CLEC2A: variants seen among roughly 807,000 people sequenced by gnomAD.
CLEC2A encodes the protein C-type lectin domain family 2 member A.
CLEC2A carries 19 observed loss-of-function variants against 18.6 expected under a neutral mutation model. That is an observed-to-expected ratio of 1.02 (90% CI 0.71 to 1.50). The LOEUF (loss-of-function observed/expected upper bound fraction) is 1.50, where lower values mean the gene tolerates loss of function less well. Ranked by LOEUF, CLEC2A falls within the 40% of genes most tolerant of loss-of-function variation. The probability of loss-of-function intolerance (pLI) is 0.00; values close to 1 mark genes in which losing one functional copy is unlikely to be tolerated. For synonymous variants in CLEC2A, 74 were observed against 64.0 expected (o/e 1.16, Z -0.75); for missense variants, 190 against 207.9 (o/e 0.91, Z 0.53).
downstream of CLEC2A, chr12:9,895,843 C>A (rs2137007352): frequency 6.6e-7 from 1 of 1,517,464 alleles, no homozygotes; most frequent in Non-Finnish European, 8.8e-7. Context: ...AATGTACAAC[C>A]AAACATAGAA....
At chr12:9,930,194 T>C (rs1390143774) in intron 1 of CLEC2A, among the ~76,000 whole-genome samples, 7 of 152,192 alleles carry the variant, frequency 4.6e-5, no homozygotes, top group African/African-American at 1.7e-4. Context: ...GATCCGTCTC[T>C]AAATTTTCCT....
intron 4 of CLEC2A, among the ~76,000 whole-genome samples, chr12:9,915,571 G>A (rs1863057842): frequency 6.6e-6 from 1 of 152,134 alleles, no homozygotes; most frequent in Non-Finnish European, 1.5e-5. Flanking sequence ...GATGAATCTG[G>A]AAACTGTCAT....
At chr12:9,878,914 G>C in the CLEC2A span, among the ~76,000 whole-genome samples, 1 of 152,264 alleles carries the variant, frequency 6.6e-6, no homozygotes, top group East Asian at 1.9e-4. Context: ...GATGGAGAAT[G>C]CTTTTGTGAG....
chr12:9,912,972 G>T (rs1444622014), downstream of CLEC2A, among the ~76,000 whole-genome samples: 1 of 152,136 alleles, frequency 6.6e-6, no homozygotes, highest in African/African-American at 2.4e-5. Context: ...ACCCAGGCAG[G>T]TAATTAAAAC....
chr12:9,912,433 T>A (rs1399906804), downstream of CLEC2A, among the ~76,000 whole-genome samples: 2 of 152,064 alleles, frequency 1.3e-5, no homozygotes, highest in African/African-American at 4.8e-5. Context: ...TTTGGGGGCA[T>A]GTTTCCCCCA....
chr12:9,899,187 A>G (rs1315619961), intron 4 of CLEC2A, among the ~76,000 whole-genome samples: 1 of 152,026 alleles, frequency 6.6e-6, no homozygotes, highest in Non-Finnish European at 1.5e-5. Context: ...CCTGAGCCCA[A>G]TCCTAAAACT....
chr12:9,927,777 G>A (rs1485080877), intron 1 of CLEC2A, among the ~76,000 whole-genome samples: 2 of 151,772 alleles, frequency 1.3e-5, no homozygotes, highest in Non-Finnish European at 2.9e-5. Context: ...AGAAGAGTTT[G>A]GTAATTTATC....
downstream of CLEC2A, among the ~76,000 whole-genome samples, chr12:9,910,827 G>A (rs371858962): frequency 2.1e-4 from 32 of 152,254 alleles, no homozygotes; most frequent in Admixed American, 3.3e-4. Context: ...CCAACGCAAC[G>A]AGAGAGTGTG....
At chr12:9,919,497 G>A (rs978055725) in intron 3 of CLEC2A, among the ~76,000 whole-genome samples, 1 of 152,240 alleles carries the variant, frequency 6.6e-6, no homozygotes, top group Non-Finnish European at 1.5e-5. Context: ...TCTGAGGGCA[G>A]CAAGGGCAGT....
chr12:9,908,381 C>A (rs7973046), downstream of CLEC2A, among the ~76,000 whole-genome samples: 2 of 152,172 alleles, frequency 1.3e-5, no homozygotes, highest in African/African-American at 4.8e-5. Flanking sequence ...ATAGAAGCTT[C>A]ATATGAGTTG....
At chr12:9,907,213 A>G (rs531159203) in intron 4 of CLEC2A, among the ~76,000 whole-genome samples, 20 of 152,266 alleles carry the variant, frequency 1.3e-4, no homozygotes, top group African/African-American at 4.3e-4. Context: ...CCCATTATTC[A>G]TGTTAACAAA....
At chr12:9,893,813 T>C (rs181721995), downstream of CLEC2A, among the ~76,000 whole-genome samples, 177 of 152,256 alleles carry the variant, frequency 1.2e-3, 1 homozygote, top group Non-Finnish European at 2.1e-3. Flanking sequence ...CCAAAATTCA[T>C]AATAATTTTT....
At chr12:9,898,504 A>AC (rs1205553890), downstream of CLEC2A, among the ~76,000 whole-genome samples, 1 of 152,142 alleles carries the variant, frequency 6.6e-6, no homozygotes, top group African/African-American at 2.4e-5. Context: ...TGACTACTGC[A>AC]CCCAATTGCC....
intron 1 of CLEC2A, among the ~76,000 whole-genome samples, chr12:9,929,477 A>G (rs1039657894): frequency 1.3e-5 from 2 of 152,286 alleles, no homozygotes; most frequent in Non-Finnish European, 2.9e-5. Context: ...CTTATCTCAG[A>G]TAGACATTGA....
chr12:9,898,148 C>T (rs1380474519), downstream of CLEC2A, among the ~76,000 whole-genome samples: 2 of 152,166 alleles, frequency 1.3e-5, no homozygotes, highest in Admixed American at 1.3e-4. Context: ...CTTTATTTTT[C>T]TAAATGAAAT....
intron 4 of CLEC2A, among the ~76,000 whole-genome samples, chr12:9,901,569 T>C (rs1456312514): frequency 1.3e-5 from 2 of 152,312 alleles, no homozygotes; most frequent in Non-Finnish European, 1.5e-5. Context: ...GGCAATCCCA[T>C]GTACCTAAAC....
At chr12:9,930,235 A>G (rs1186110985) in intron 1 of CLEC2A, among the ~76,000 whole-genome samples, 3 of 152,190 alleles carry the variant, frequency 2.0e-5, no homozygotes, top group African/African-American at 7.2e-5. Flanking sequence ...ATATTAAATT[A>G]GGTCCCAACC....
chr12:9,886,515 A>G, the CLEC2A span, among the ~76,000 whole-genome samples: 2 of 152,068 alleles, frequency 1.3e-5, no homozygotes, highest in Non-Finnish European at 2.9e-5. Flanking sequence ...AAAGCTGTTC[A>G]TCATGGTTAA....
downstream of CLEC2A, chr12:9,913,210 T>C (rs1190326551): frequency 1.1e-5 from 3 of 275,496 alleles, no homozygotes; most frequent in Non-Finnish European, 1.7e-5. Flanking sequence ...TTTATCAGTG[T>C]TTATTATTTG....
Sources: gnomAD v4.1 joint callset for allele counts (sites outside exome capture counted in the v4.1 genomes callset) on GRCh38, gnomAD v4.1.1 for gene constraint, MANE v1.5 for transcripts, NCBI Gene and HGNC (gene_info 2026-07-23, HGNC 2026-07-21) for gene names.